VCL: variants seen among roughly 807,000 people sequenced by gnomAD.
The protein encoded by VCL is epididymis luminal protein 114.
Under a neutral mutation model 125.7 loss-of-function variants are expected in VCL, and 47 were observed. That is an observed-to-expected ratio of 0.37 (90% CI 0.30 to 0.48). VCL has a LOEUF of 0.48. VCL is among the 20% of genes least tolerant of loss of function. The probability of loss-of-function intolerance (pLI) is 0.99; values close to 1 mark genes in which losing one functional copy is unlikely to be tolerated. For missense variants in VCL, 1,069 were observed against 1,455.5 expected (o/e 0.73, Z 4.32); for synonymous variants, 458 against 514.6 (o/e 0.89, Z 1.49).
At chr10:74,095,942 C>A in intron 12 of VCL, 87 bp downstream of exon 12, 2 of 1,479,714 alleles carry the variant, frequency 1.4e-6, no homozygotes, top group Non-Finnish European at 1.8e-6. Flanking sequence ...TTGAAAAATA[C>A]ATAATTTCTG....
At chr10:74,093,189 C>T (rs571080308) in intron 10 of VCL, among the ~76,000 whole-genome samples, 97 of 152,004 alleles carry the variant, frequency 6.4e-4, no homozygotes, top group Admixed American at 1.7e-3. Context: ...CCTAGCTACT[C>T]AGGAGGCTGA....
chr10:74,039,850 A>G (rs767245899), intron 1 of VCL, among the ~76,000 whole-genome samples: 1 of 152,216 alleles, frequency 6.6e-6, no homozygotes, highest in Non-Finnish European at 1.5e-5. Flanking sequence ...TGTACTGATA[A>G]ACGATTCCAA....
At chr10:74,060,785 C>G (rs1019106025) in intron 2 of VCL, among the ~76,000 whole-genome samples, 1 of 151,826 alleles carries the variant, frequency 6.6e-6, no homozygotes, top group Non-Finnish European at 1.5e-5. Context: ...ATTGAAATCA[C>G]ATGGAACTGA....
Position 74,114,909 on chromosome 10 carries a change from A to T in VCL, c.3258+10A>T, listed in dbSNP as rs71579379. On this transcript the variant is annotated intron_variant, in intron 21 of 21. Coordinates refer to ENST00000211998, the MANE Select transcript of VCL (RefSeq NM_014000.3). ...TGAGGAGTCTGAGCAGGTATGTGGC[A>T]GCTGTTTTTGGTTTCTGGCTGGCAG... The T allele has an allele frequency of 3.2e-3, 5,040 of 1,578,654 alleles. 19 individuals carry two copies. The highest frequency in any genetic ancestry group is 3.8e-3 in the Non-Finnish European group (4,431 of 1,161,492).
intron 1 of VCL, among the ~76,000 whole-genome samples, chr10:74,031,902 T>C (rs1199453550): frequency 6.6e-6 from 1 of 151,516 alleles, no homozygotes; most frequent in Admixed American, 6.6e-5. Context: ...CAGTCTCTGC[T>C]AAAAATACAA....
intron 6 of VCL, chr10:74,076,428 T>G (rs1453616763): frequency 4.6e-5 from 7 of 152,632 alleles, no homozygotes; most frequent in Admixed American, 1.3e-4. Context: ...CCCATTGACT[T>G]CATTTGAGGA....
At chr10:74,061,780 C>T (rs956960976) in intron 2 of VCL, among the ~76,000 whole-genome samples, 2 of 152,078 alleles carry the variant, frequency 1.3e-5, no homozygotes, top group Non-Finnish European at 2.9e-5. Context: ...ATTTTTTCCC[C>T]TGCAATATCT....
At chr10:74,065,074 A>G (rs1241141123) in intron 2 of VCL, among the ~76,000 whole-genome samples, 1 of 151,952 alleles carries the variant, frequency 6.6e-6, no homozygotes, top group Non-Finnish European at 1.5e-5. Flanking sequence ...AACAATCCTC[A>G]GTTTTATTAA....
intron 1 of VCL, 27 bp from the exon 2 acceptor site, chr10:74,043,056 G>C (rs375854273): frequency 6.3e-7 from 1 of 1,597,322 alleles, no homozygotes; most frequent in African/African-American, 1.3e-5. Flanking sequence ...ATTTATATTT[G>C]AATTATGATT....
chr10:74,114,773 C>T, intron 20 of VCL, 22 bp from the exon 21 acceptor site: 1 of 1,583,644 alleles, frequency 6.3e-7, no homozygotes, highest in South Asian at 1.2e-5. Context: ...GAGAAACATA[C>T]CAAATTAAAC....
chr10:74,117,920 G>GT lies in VCL; in HGVS notation c.3259-102dup, dbSNP rs1463843201. On this transcript the variant is annotated intron_variant, in intron 21 of 21. Coordinates refer to ENST00000211998, the MANE Select transcript of VCL (RefSeq NM_014000.3). ...TGCAAGCAAATATGGGGGATGCCAG[G>GT]TACCAGTGGGGTTAGCTGCATCCCA... 1.1e-5 allele frequency: 17 copies of GT among 1,499,040 alleles called. No individual in the cohort carries two copies. The East Asian group carries it at 3.6e-4, about 32-fold the overall frequency. The allele number at this position is 1,499,040 out of a possible 1,614,324, so 92.9% of individuals were successfully genotyped here.
At chr10:74,020,440 T>G (rs1840638794) in intron 1 of VCL, among the ~76,000 whole-genome samples, 1 of 152,042 alleles carries the variant, frequency 6.6e-6, no homozygotes, top group Non-Finnish European at 1.5e-5. Flanking sequence ...AAGTGAGAGC[T>G]CAAAGGATGG....
rs753591066 is a variant in VCL at position 74,109,026 on chromosome 10, C to T, written c.2615C>T (p.Pro872Leu). 2 of 1,614,172 alleles carry T rather than the reference C, an allele frequency of 1.2e-6. No homozygotes were observed. Among genetic ancestry groups the T allele is most frequent in the South Asian group, 2.2e-5 (2 of 91,084 alleles). The change falls in exon 18 of 22, where the codon CCA becomes CTA. Residue 872 changes from proline (P) to leucine (L), a missense_variant. Pro to Leu is a moderately conservative substitution (Grantham distance 98). This residue lies in a region of VCL where 28 missense variants were observed against 65.1 expected (regional missense o/e 0.43). Transcript: ENST00000211998. ...CCTCTGCCTGAAGGTGAGGTCCCTC[C>T]ACCTAGGCCTCCACCACCAGAGGAA... ...KPPLPEGEVP[P>L]PRPPPPEEKD...
chr10:74,114,041 AGAACG>A (rs1840272054), intron 19 of VCL, 138 bp from the exon 20 acceptor site: 1 of 893,960 alleles, frequency 1.1e-6, no homozygotes, highest in Admixed American at 2.0e-5. Flanking sequence ...GTATCACTCA[AGAACG>A]GCCCTTTTCT....
chr10:74,056,009 A>G (rs910232778), intron 2 of VCL, among the ~76,000 whole-genome samples: 5 of 152,228 alleles, frequency 3.3e-5, no homozygotes, highest in Admixed American at 2.0e-4. Flanking sequence ...TAGCTTGGGC[A>G]GCTGTAACGT....
chr10:74,040,945 C>A (rs1392792422), intron 1 of VCL, among the ~76,000 whole-genome samples: 1 of 152,158 alleles, frequency 6.6e-6, no homozygotes, highest in East Asian at 1.9e-4. Flanking sequence ...CAGCCTTGAC[C>A]TCCTGGGCTT....
chr10:74,086,510 T>A (rs1356326263), intron 8 of VCL, among the ~76,000 whole-genome samples: 1 of 152,270 alleles, frequency 6.6e-6, no homozygotes, highest in Admixed American at 6.5e-5. Context: ...TTCGGAGAAA[T>A]GCCAGTGCAG....
chr10:74,066,338 C>A (rs1003916002), intron 2 of VCL, among the ~76,000 whole-genome samples: 1 of 152,032 alleles, frequency 6.6e-6, no homozygotes, highest in African/African-American at 2.4e-5. Flanking sequence ...AGATTACAGG[C>A]GTGAGCCACC....
rs1457530537 is a variant in VCL at position 74,103,856 on chromosome 10, G to A, written c.2059G>A (p.Gly687Arg). The change falls in exon 15 of 22, where the codon GGA (glycine) becomes AGA (arginine). Residue 687 changes from glycine (G) to arginine (R), a missense_variant. By Grantham distance (125) the Gly-to-Arg change is moderately radical. Coordinates refer to ENST00000211998, the MANE Select transcript of VCL (RefSeq NM_014000.3). ...TGCTCGTATCTTACTTAGGAACCCT[G>A]GAAATCAAGCTGCTTATGAACATTT... ...SAARILLRNP[G>R]NQAAYEHFET... The A allele has an allele frequency of 6.2e-7, 1 of 1,613,986 alleles. No individual in the cohort carries two copies. The highest frequency in any genetic ancestry group is 8.5e-7 in the Non-Finnish European group (1 of 1,180,016).
Sources: gnomAD v4.1 joint callset for allele counts (sites outside exome capture counted in the v4.1 genomes callset) on GRCh38, gnomAD v4.1.1 for gene constraint, gnomAD v4.1.1 regional missense constraint, MANE v1.5 for transcripts, NCBI Gene and HGNC (gene_info 2026-07-23, HGNC 2026-07-21) for gene names.